The following PTPN14 variants were observed in gnomAD, a reference collection of about 807,000 sequenced individuals.
PTPN14 encodes the protein tyrosine-protein phosphatase non-receptor type 14.
A neutral mutation model predicts 126.8 loss-of-function variants in PTPN14; 53 were observed. The ratio of observed to expected loss-of-function variants is 0.42; its 90% CI spans 0.34 to 0.53. PTPN14 has a LOEUF of 0.53. Among genes scored for constraint, PTPN14 ranks in the 20% least tolerant of loss-of-function variants. The pLI is 0.08. For synonymous variants in PTPN14, 630 were observed against 599.3 expected, an observed-to-expected ratio of 1.05 and a Z score of -0.75; for missense variants, 1,257 against 1,552.9, an observed-to-expected ratio of 0.81 and a Z score of 3.20.
At chr1:214,501,164 T>A (rs999166401) in intron 1 of PTPN14, among the ~76,000 whole-genome samples, 1 of 152,242 alleles carries the variant, frequency 6.6e-6, no homozygotes, top group Non-Finnish European at 1.5e-5. Flanking sequence ...CATATTTTAA[T>A]AATGTTACAG....
chr1:214,475,513 T>C (rs967514658), intron 1 of PTPN14, among the ~76,000 whole-genome samples: 1 of 152,220 alleles, frequency 6.6e-6, no homozygotes, highest in African/African-American at 2.4e-5. Context: ...ACGCCAGGAA[T>C]GCTTTGTTGT....
chr1:214,532,859 T>C lies in PTPN14; in HGVS notation c.-155+18324A>G, dbSNP rs150707704. ...GAACTAAAAGGCCTACAAGCCCAGA[T>C]TGCCAGCTCTGGGTTGACCATGGAG... On this transcript the variant is annotated intron_variant, in intron 1 of 18. Coordinates refer to ENST00000366956, the MANE Select transcript of PTPN14 (RefSeq NM_005401.5). 2.3e-4 allele frequency: 234 copies of C among 1,033,866 alleles called. No individual in the cohort carries two copies. The East Asian group carries it at 4.2e-3, about 19-fold the overall frequency. The allele number at this position is 1,033,866 out of a possible 1,614,324, so 64.0% of individuals were successfully genotyped here. A position where few individuals can be genotyped will look rare whatever the true frequency, so the allele number is the denominator to read the frequency against.
intron 1 of PTPN14, among the ~76,000 whole-genome samples, chr1:214,549,001 C>G (rs1167048742): frequency 6.6e-6 from 1 of 152,148 alleles, no homozygotes; most frequent in Non-Finnish European, 1.5e-5. Flanking sequence ...TCAGCCATTT[C>G]TCTCATGCAG....
chr1:214,481,605 G>A lies in PTPN14; in HGVS notation c.-154-16648C>T, dbSNP rs190299216. Among the ~76,000 whole-genome samples the A allele has an allele frequency of 3.8e-3, 572 of 151,686 alleles. 5 individuals are homozygous for A. Among genetic ancestry groups the A allele is most frequent in the African/African-American group, 0.013 (544 of 41,326 alleles). On this transcript the variant is annotated intron_variant, in intron 1 of 18. Coordinates refer to ENST00000366956, the MANE Select transcript of PTPN14 (RefSeq NM_005401.5). Reference sequence around the variant, plus strand: ...AACTGTCTCATTTACACAGACACTGGAGCCTTATGAAGTCATCAGTTTTCT... The same window carrying A: ...AACTGTCTCATTTACACAGACACTGAAGCCTTATGAAGTCATCAGTTTTCT...
intron 1 of PTPN14, among the ~76,000 whole-genome samples, chr1:214,538,220 A>G (rs567774973): frequency 1.3e-5 from 2 of 152,228 alleles, no homozygotes; most frequent in African/African-American, 4.8e-5. Flanking sequence ...TGGAAGGAGG[A>G]AGGAACACAT....
intron 5 of PTPN14, among the ~76,000 whole-genome samples, chr1:214,406,437 C>A (rs1480532894): frequency 6.7e-6 from 1 of 150,234 alleles, no homozygotes; most frequent in African/African-American, 2.5e-5. Context: ...GCTGAGATTG[C>A]GCCACCGCAC....
At chr1:214,414,557 C>T in intron 4 of PTPN14, 72 bp downstream of exon 4, 2 of 1,353,446 alleles carry the variant, frequency 1.5e-6, no homozygotes, top group Non-Finnish European at 2.1e-6. Flanking sequence ...TAACTTCTCA[C>T]TCTGAGAGGC....
chr1:214,498,545 G>C (rs1654603334), intron 1 of PTPN14, among the ~76,000 whole-genome samples: 4 of 151,834 alleles, frequency 2.6e-5, no homozygotes, highest in Admixed American at 2.0e-4. Flanking sequence ...CCTCCAAAAA[G>C]AGAATCAAAT....
intron 1 of PTPN14, among the ~76,000 whole-genome samples, chr1:214,514,120 C>T (rs1050283451): frequency 6.6e-6 from 1 of 151,954 alleles, no homozygotes; most frequent in Non-Finnish European, 1.5e-5. Context: ...TCAGTAACTC[C>T]AGGGGGTCTT....
intron 17 of PTPN14, among the ~76,000 whole-genome samples, chr1:214,368,107 G>A (rs779316944): frequency 7.9e-5 from 12 of 152,124 alleles, no homozygotes; most frequent in African/African-American, 2.4e-4. Context: ...GAGAAAGTAC[G>A]AGAAAGTACT....
chr1:214,516,544 A>T (rs1330614038), intron 1 of PTPN14, among the ~76,000 whole-genome samples: 1 of 152,232 alleles, frequency 6.6e-6, no homozygotes, highest in Non-Finnish European at 1.5e-5. Context: ...CCTGCTGGAC[A>T]TCATTCTTGC....
At chr1:214,388,769 T>C (rs1472892702) in intron 11 of PTPN14, among the ~76,000 whole-genome samples, 1 of 152,194 alleles carries the variant, frequency 6.6e-6, no homozygotes, top group Non-Finnish European at 1.5e-5. Context: ...GAGAAGAATC[T>C]CAGATCAAAC....
In PTPN14 at chr1:214,383,754, C is replaced by A; in HGVS notation, c.2101G>T (p.Ala701Ser). 1.2e-6 allele frequency: 2 copies of A among 1,613,478 alleles called. No homozygotes were observed. The highest frequency in any genetic ancestry group is 1.7e-6 in the Non-Finnish European group (2 of 1,180,022). The change falls in exon 13 of 19, where the codon GCC becomes TCC. Residue 701 changes from alanine to serine, a missense_variant. Ala to Ser is a moderately conservative substitution (Grantham distance 99). Around this residue, in one of 3 missense-constraint regions of PTPN14, gnomAD observed 1,021 missense variants for 1,183.3 expected, o/e 0.86. Coordinates refer to ENST00000366956, the MANE Select transcript of PTPN14 (RefSeq NM_005401.5). This position sits in a 1 kb window ranked among gnomAD's most constrained non-coding sequence, Gnocchi z 4.4. ...TCGCTGCTGTGGATTAGCATAGTGGCATCAGAGAAGGTCTTCTTGTGGTGA... is the reference window on the plus strand; with the variant it reads ...TCGCTGCTGTGGATTAGCATAGTGGAATCAGAGAAGGTCTTCTTGTGGTGA... Reference protein sequence around the residue: ...QYHHKKTFSDATMLIHSSESE... With the variant: ...QYHHKKTFSDSTMLIHSSESE...
intron 1 of PTPN14, among the ~76,000 whole-genome samples, chr1:214,515,318 T>TA (rs997309627): frequency 3.9e-5 from 6 of 152,114 alleles, no homozygotes; most frequent in African/African-American, 1.4e-4. Context: ...ATTTTTTTTT[T>TA]AACGATAATA....
chr1:214,352,183 AAAC>A lies in PTPN14; in HGVS notation c.*5736_*5738del, dbSNP rs1156324213. 1.3e-5 allele frequency: 2 copies of A among 152,202 alleles called. No homozygotes were observed. The highest frequency in any genetic ancestry group is 2.9e-5 in the Non-Finnish European group (2 of 68,036). The allele number at this position is 152,202 out of a possible 1,614,324, so 9.4% of individuals were successfully genotyped here. A position where few individuals can be genotyped will look rare whatever the true frequency, so the allele number is the denominator to read the frequency against. On this transcript the variant is annotated 3_prime_UTR_variant, in exon 19 of 19. Transcript: ENST00000366956. Reference sequence around the variant, plus strand: ...TGCACATCCTCTTCTTTACTGTACCAAACAACAATCATTTTCCAGTCTATGAAA... The same window carrying A: ...TGCACATCCTCTTCTTTACTGTACCAAACAATCATTTTCCAGTCTATGAAA...
chr1:214,366,105 G>A (rs1046776462), intron 17 of PTPN14, among the ~76,000 whole-genome samples: 1 of 152,120 alleles, frequency 6.6e-6, no homozygotes, highest in Non-Finnish European at 1.5e-5. Flanking sequence ...TTAAAAACTG[G>A]AGGCGGAGGT....
At chr1:214,474,214 C>T (rs959548742) in intron 1 of PTPN14, among the ~76,000 whole-genome samples, 5 of 152,178 alleles carry the variant, frequency 3.3e-5, no homozygotes, top group African/African-American at 1.2e-4. Flanking sequence ...CATGGCTACA[C>T]AGCAACCTGA....
chr1:214,482,915 T>C (rs1444703369), intron 1 of PTPN14: 21 of 1,596,250 alleles, frequency 1.3e-5, no homozygotes, highest in Non-Finnish European at 1.8e-5. Flanking sequence ...CAGCACAGGC[T>C]GGAGCTCCCA....
Position 214,393,687 on chromosome 1 carries a change from T to C in PTPN14, c.929+8A>G, listed in dbSNP as rs1385863730. ...CATCAAGTCGGGGGGGATTAAATGT[T>C]TACTTACTCAGTGCAGATTTTGTTT... On this transcript the variant is annotated splice_region_variant and intron_variant, in intron 10 of 18. Coordinates refer to ENST00000366956, the MANE Select transcript of PTPN14 (RefSeq NM_005401.5). 1 of 1,556,942 alleles carries C rather than the reference T, an allele frequency of 6.4e-7. No individual in the cohort carries two copies. Among genetic ancestry groups the C allele is most frequent in the African/African-American group, 1.4e-5 (1 of 73,586 alleles).
Sources: gnomAD v4.1 joint callset for allele counts (sites outside exome capture counted in the v4.1 genomes callset) on GRCh38, gnomAD v4.1.1 for gene constraint, gnomAD v4.1.1 regional missense constraint, Gnocchi (gnomAD v3.1) non-coding constraint, MANE v1.5 for transcripts, NCBI Gene and HGNC (gene_info 2026-07-23, HGNC 2026-07-21) for gene names.